NAMPT: variants seen among roughly 807,000 people sequenced by gnomAD.
NAMPT encodes the protein NAmPRTase.
In NAMPT, 7 loss-of-function variants were observed where a neutral mutation model predicts 58.7. The ratio of observed to expected loss-of-function variants is 0.12; its 90% CI spans 0.07 to 0.22. The LOEUF (loss-of-function observed/expected upper bound fraction) is 0.22, where lower values mean the gene tolerates loss of function less well. NAMPT is among the 10% of genes least tolerant of loss of function. The probability of loss-of-function intolerance (pLI) is 1.00; values close to 1 mark genes in which losing one functional copy is unlikely to be tolerated. For missense variants in NAMPT, 271 were observed against 567.9 expected (o/e 0.48, Z 5.31); for synonymous variants, 145 against 198.1 (o/e 0.73, Z 2.25).
intron 1 of NAMPT, among the ~76,000 whole-genome samples, chr7:106,281,898 G>A (rs981469143): frequency 3.9e-5 from 6 of 151,910 alleles, no homozygotes; most frequent in African/African-American, 7.3e-5. Flanking sequence ...AACTCACAAC[G>A]AGAACACCAG....
At chr7:106,252,940 A>T in intron 10 of NAMPT, 77 bp downstream of exon 10, 1 of 1,520,154 alleles carries the variant, frequency 6.6e-7, no homozygotes, top group Non-Finnish European at 8.9e-7. Context: ...AAACAATAAC[A>T]TAAAAACCTC....
At chr7:106,253,422 G>A in intron 9 of NAMPT, 2 of 349,104 alleles carry the variant, frequency 5.7e-6, no homozygotes, top group Non-Finnish European at 1.1e-5. Flanking sequence ...GGAAGTCTGT[G>A]AGCATTCTAA....
upstream of NAMPT, chr7:106,285,136 T>TC: frequency 7.8e-7 from 1 of 1,283,752 alleles, no homozygotes; most frequent in Non-Finnish European, 9.9e-7. Flanking sequence ...CCACCTCGGT[T>TC]CCCCCGCCTT....
intron 10 of NAMPT, among the ~76,000 whole-genome samples, chr7:106,251,694 C>T (rs756469878): frequency 2.6e-5 from 4 of 151,994 alleles, no homozygotes; most frequent in Non-Finnish European, 5.9e-5. Context: ...AAAGCCAATC[C>T]CAAAACAGAA....
In NAMPT at chr7:106,284,940, A is replaced by G; in HGVS notation, c.-56T>C. On this transcript the variant is annotated 5_prime_UTR_variant, in exon 1 of 11. Transcript: ENST00000222553. ...CGAGCTCCCTGGCGCGGCTGCGAGG[A>G]AGGAGAAAAATGAGCTTCACCGCGC... is the stretch of plus-strand genomic sequence containing the variant. The G allele has an allele frequency of 1.3e-6, 2 of 1,552,990 alleles. No individual in the cohort carries two copies. The highest frequency in any genetic ancestry group is 1.7e-6 in the Non-Finnish European group (2 of 1,146,354).
rs750416051 is a variant in NAMPT, at chr7:106,254,436, C to T, written c.1158G>A (p.Leu386=). The stretch of plus-strand genomic sequence containing the variant: ...AGAGATCTCTTGTCAACTTCTGTAG[C>T]AAACCTCCACCAGAACCGAAGGCAA... ...ENIAFGSGGG[L]LQKLTRDLLN... The change falls in exon 9 of 11, where the codon TTG becomes TTA. Residue 386 remains leucine, a synonymous_variant. Coordinates refer to ENST00000222553, the MANE Select transcript of NAMPT (RefSeq NM_005746.3). 1.9e-6 allele frequency: 3 copies of T among 1,613,786 alleles called. No individual in the cohort carries two copies. Among genetic ancestry groups the T allele is most frequent in the African/African-American group, 2.7e-5 (2 of 74,914 alleles).
chr7:106,250,946 G>GA lies in NAMPT; in HGVS notation c.*136dup. 2.6e-5 allele frequency: 17 copies of GA among 651,042 alleles called. No homozygotes were observed. Among genetic ancestry groups the GA allele is most frequent in the East Asian group, 8.4e-5 (3 of 35,568 alleles). 40.3% of individuals were successfully genotyped at this position (651,042 alleles called of 1,614,324 possible). ...TTGAGATCACCTAAACACTGGAAAA[G>GA]AAAAAAAATGAAAGGGCAGTATGTC... On this transcript the variant is annotated 3_prime_UTR_variant, in exon 11 of 11. Transcript: ENST00000222553.
In NAMPT at chr7:106,253,074, T is replaced by C. The variant is rs1207352180; in HGVS notation, c.1308A>G (p.Pro436=). 6.2e-7 allele frequency: 1 copy of C among 1,613,498 alleles called. No individual in the cohort carries two copies. The highest frequency in any genetic ancestry group is 8.5e-7 in the Non-Finnish European group (1 of 1,179,548). The part of the protein sequence containing the change: ...KKGRLSLHRT[P]AGNFVTLEEG... ...CCTCCAGTGTAACAAAATTCCCTGCTGGCGTCCTATGTAAAGATAATCGGC... is the reference window on the plus strand; with the variant it reads ...CCTCCAGTGTAACAAAATTCCCTGCCGGCGTCCTATGTAAAGATAATCGGC... The change falls in exon 10 of 11, where the codon CCA becomes CCG. Residue 436 remains proline, a synonymous_variant. Transcript: ENST00000222553.
intron 4 of NAMPT, chr7:106,272,232 G>T: frequency 3.6e-6 from 1 of 280,284 alleles, no homozygotes; most frequent in South Asian, 3.5e-5. Flanking sequence ...TTCTAAGTTT[G>T]CTCTAAAATA....
At chr7:106,256,503 A>C (rs1792201443) in intron 8 of NAMPT, among the ~76,000 whole-genome samples, 2 of 152,248 alleles carry the variant, frequency 1.3e-5, no homozygotes, top group Non-Finnish European at 2.9e-5. Context: ...CCTGCTTCTA[A>C]GAACATATTT....
intron 10 of NAMPT, among the ~76,000 whole-genome samples, chr7:106,252,476 CTAA>C (rs1040957262): frequency 6.6e-6 from 1 of 151,894 alleles, no homozygotes; most frequent in Non-Finnish European, 1.5e-5. Flanking sequence ...GTACTTTTTT[CTAA>C]TAATATGAAT....
intron 10 of NAMPT, 115 bp downstream of exon 10, chr7:106,252,902 A>C: frequency 3.8e-6 from 5 of 1,302,000 alleles, no homozygotes; most frequent in Non-Finnish European, 5.2e-6. Flanking sequence ...ACATTTTATA[A>C]TAAAATATAA....
At chr7:106,283,788 G>C (rs1792810040) in intron 1 of NAMPT, among the ~76,000 whole-genome samples, 1 of 151,868 alleles carries the variant, frequency 6.6e-6, no homozygotes, top group Non-Finnish European at 1.5e-5. Context: ...CAAAACTTAA[G>C]TAAAATGGAA....
At chr7:106,285,311 C>G, upstream of NAMPT, 1 of 543,106 alleles carries the variant, frequency 1.8e-6, no homozygotes, top group Non-Finnish European at 2.4e-6. Flanking sequence ...GTGACCCGGG[C>G]GCTTACCTAA....
At chr7:106,285,042 G>C, upstream of NAMPT, 3 of 1,367,340 alleles carry the variant, frequency 2.2e-6, no homozygotes, top group Admixed American at 2.6e-5. Context: ...GGTCAGAGGA[G>C]GGCGGGCCCG....
At chr7:106,256,419 A>G (rs914210170) in intron 8 of NAMPT, among the ~76,000 whole-genome samples, 2 of 152,220 alleles carry the variant, frequency 1.3e-5, no homozygotes, top group Non-Finnish European at 2.9e-5. Context: ...AATTGTTGCA[A>G]ATAAAGCAGA....
intron 6 of NAMPT, among the ~76,000 whole-genome samples, chr7:106,266,484 T>C (rs1792412632): frequency 6.6e-6 from 1 of 152,212 alleles, no homozygotes; most frequent in Non-Finnish European, 1.5e-5. Flanking sequence ...GACACTCTTA[T>C]TTTCCCAGTT....
chr7:106,252,869 T>C, intron 10 of NAMPT, 148 bp downstream of exon 10: 1 of 930,550 alleles, frequency 1.1e-6, no homozygotes. Flanking sequence ...TATCTTATTT[T>C]GGTAGGCCAG....
At chr7:106,261,358 T>G (rs1792297444) in intron 8 of NAMPT, 1 of 401,904 alleles carries the variant, frequency 2.5e-6, no homozygotes, top group Non-Finnish European at 4.5e-6. Flanking sequence ...CTTCTTTAGA[T>G]TCATCATTCA....
Sources: gnomAD v4.1 joint callset for allele counts (sites outside exome capture counted in the v4.1 genomes callset) on GRCh38, gnomAD v4.1.1 for gene constraint, MANE v1.5 for transcripts, NCBI Gene and HGNC (gene_info 2026-07-23, HGNC 2026-07-21) for gene names.